Variants in DOCK8 observed in about 807,000 individuals in gnomAD.
DOCK8 encodes the protein dedicator of cytokinesis protein 8.
A neutral mutation model predicts 245.6 loss-of-function variants in DOCK8; 141 were observed. The observed-to-expected ratio is 0.57, with a 90% CI of 0.50 to 0.66. The LOEUF is 0.66. DOCK8 is among the 30% of genes least tolerant of loss of function. DOCK8 has a pLI of 0.00. For missense variants in DOCK8, 2,965 were observed against 2,603.4 expected (o/e 1.14, Z -3.02); for synonymous variants, 1,168 against 970.2 (o/e 1.20, Z -3.79).
At chr9:214,638 G>C (rs757115492), upstream of DOCK8, 3 of 1,611,758 alleles carry the variant, frequency 1.9e-6, no homozygotes, top group Non-Finnish European at 2.5e-6. Context: ...GTCGCCTGTC[G>C]TCCGCCCGCG....
At chr9:444,790 G>A (rs1191844188) in intron 43 of DOCK8, among the ~76,000 whole-genome samples, 2 of 152,218 alleles carry the variant, frequency 1.3e-5, no homozygotes, top group Non-Finnish European at 2.9e-5. Flanking sequence ...AGGAAATGGA[G>A]ACAAAGACCA....
At chr9:446,664 A>G (rs2131844807) in intron 44 of DOCK8, 58 bp downstream of exon 44, 7 of 1,499,470 alleles carry the variant, frequency 4.7e-6, no homozygotes, top group Middle Eastern at 1.7e-4. Flanking sequence ...GCCTCCCAGG[A>G]GGACCCACAA....
At chr9:300,842 G>T (rs1322378846) in intron 4 of DOCK8, among the ~76,000 whole-genome samples, 2 of 152,120 alleles carry the variant, frequency 1.3e-5, no homozygotes, top group African/African-American at 4.8e-5. Context: ...TTCTGAAATT[G>T]AATCAGTAAT....
At chr9:224,320 T>C (rs1441293826) in intron 1 of DOCK8, among the ~76,000 whole-genome samples, 5 of 152,156 alleles carry the variant, frequency 3.3e-5, no homozygotes, top group Non-Finnish European at 7.4e-5. Context: ...AGATAAGCAG[T>C]TGAGTCGATA....
At chr9:420,179 A>T in intron 30 of DOCK8, 1 of 598,590 alleles carries the variant, frequency 1.7e-6, no homozygotes, top group Non-Finnish European at 3.0e-6. Flanking sequence ...ATACTGCCCC[A>T]GGTGAGCCTC....
chr9:377,737 C>T (rs1407556593), intron 20 of DOCK8, among the ~76,000 whole-genome samples: 1 of 152,210 alleles, frequency 6.6e-6, no homozygotes, highest in South Asian at 2.1e-4. Flanking sequence ...TTCATCACCT[C>T]CAAATAAAAC....
At chr9:419,007 A>G (rs558857907) in intron 30 of DOCK8, among the ~76,000 whole-genome samples, 4 of 151,856 alleles carry the variant, frequency 2.6e-5, no homozygotes, top group African/African-American at 9.7e-5. Context: ...TTTTGCATGG[A>G]CTCTGTGGGC....
At chr9:232,589 A>G (rs934636493) in intron 1 of DOCK8, among the ~76,000 whole-genome samples, 5 of 152,166 alleles carry the variant, frequency 3.3e-5, no homozygotes, top group African/African-American at 9.7e-5. Context: ...TTATTTGTCT[A>G]TTCAGAGATT....
chr9:399,310 C>T (rs1043550650), intron 26 of DOCK8, 51 bp downstream of exon 26: 1 of 1,214,682 alleles, frequency 8.2e-7, no homozygotes, highest in Non-Finnish European at 1.1e-6. Context: ...GGTTCCTTCT[C>T]ATATAATGTG....
At chr9:400,766 T>A (rs1244782332) in intron 26 of DOCK8, among the ~76,000 whole-genome samples, 24 of 13,124 alleles carry the variant, frequency 1.8e-3, no homozygotes, top group Admixed American at 2.9e-3. Context: ...CACCACCACC[T>A]CCACCACCAC....
At chr9:354,560 G>A (rs774013181) in intron 14 of DOCK8, among the ~76,000 whole-genome samples, 5 of 152,196 alleles carry the variant, frequency 3.3e-5, no homozygotes, top group Non-Finnish European at 7.4e-5. Context: ...AGGTGCAGCT[G>A]ACCTGCTTGG....
chr9:377,676 G>C (rs1022101057), intron 20 of DOCK8, among the ~76,000 whole-genome samples: 1 of 152,150 alleles, frequency 6.6e-6, no homozygotes, highest in Non-Finnish European at 1.5e-5. Flanking sequence ...TTGGTTTTTA[G>C]TATAGTCACA....
chr9:312,202 T>C, intron 6 of DOCK8, 36 bp downstream of exon 6: 3 of 1,599,086 alleles, frequency 1.9e-6, no homozygotes, highest in Non-Finnish European at 2.6e-6. Flanking sequence ...AGAATCTCAG[T>C]GAAGACTCTG....
At chr9:409,095 A>G (rs2055584732) in intron 28 of DOCK8, among the ~76,000 whole-genome samples, 1 of 149,504 alleles carries the variant, frequency 6.7e-6, no homozygotes, top group South Asian at 2.3e-4. Flanking sequence ...CTTCCTATTG[A>G]TCAGCACTTC....
At chr9:227,888 A>G (rs1021504929) in intron 1 of DOCK8, among the ~76,000 whole-genome samples, 3 of 152,160 alleles carry the variant, frequency 2.0e-5, no homozygotes, top group Non-Finnish European at 2.9e-5. Flanking sequence ...TGGCCAACAC[A>G]TGGCAGACCG....
At chr9:389,077 C>T (rs553432550) in intron 23 of DOCK8, among the ~76,000 whole-genome samples, 4 of 152,222 alleles carry the variant, frequency 2.6e-5, no homozygotes, top group African/African-American at 9.6e-5. Flanking sequence ...ACAGAAAATT[C>T]CCAGACATCA....
rs1272585796 is a variant in DOCK8 at position 369,877 on chromosome 9, C to G, written c.1798-353C>G. The G allele has an allele frequency of 1.9e-5, 6 of 323,010 alleles. No individual in the cohort carries two copies. In the East Asian group the frequency reaches 4.6e-4, roughly 25 times the overall value. The allele number at this position is 323,010 out of a possible 1,614,324, so 20.0% of individuals were successfully genotyped here. A position where few individuals can be genotyped will look rare whatever the true frequency, so the allele number is the denominator to read the frequency against. Reference sequence around the variant, plus strand: ...GGTGCAATGGTGCAATCTCGACTCACTGCAACCTCTGCTTCCTAGGCTCAA... The same window carrying G: ...GGTGCAATGGTGCAATCTCGACTCAGTGCAACCTCTGCTTCCTAGGCTCAA... On this transcript the variant is annotated intron_variant, in intron 15 of 47. Coordinates refer to ENST00000432829, the MANE Select transcript of DOCK8 (RefSeq NM_203447.4).
chr9:372,022 G>T (rs945098531), intron 17 of DOCK8, among the ~76,000 whole-genome samples, 163 bp from the exon 18 acceptor site: 3 of 152,044 alleles, frequency 2.0e-5, no homozygotes, highest in Admixed American at 2.0e-4. Flanking sequence ...AGGAGGTCTC[G>T]GAGATTTAAA....
intron 15 of DOCK8, chr9:368,433 A>T (rs989837208): frequency 1.6e-6 from 1 of 620,516 alleles, no homozygotes; most frequent in African/African-American, 1.8e-5. Flanking sequence ...CTCTAAAGGC[A>T]TACAAAGTAA....
Sources: allele counts gnomAD v4.1 joint callset (sites outside exome capture counted in the v4.1 genomes callset), GRCh38; gene constraint gnomAD v4.1.1; transcripts MANE v1.5; gene names NCBI Gene and HGNC (gene_info 2026-07-23, HGNC 2026-07-21).